HIPK2: variants seen among roughly 807,000 people sequenced by gnomAD.
The protein encoded by HIPK2 is homeodomain interacting protein kinase 2.
In HIPK2, 27 loss-of-function variants were observed where a neutral mutation model predicts 113.7. The ratio of observed to expected loss-of-function variants is 0.24; its 90% CI spans 0.17 to 0.33. The LOEUF (loss-of-function observed/expected upper bound fraction) is 0.33, where lower values mean the gene tolerates loss of function less well. Ranked by LOEUF, HIPK2 falls within the 10% of genes least tolerant of loss-of-function variation. HIPK2 has a pLI of 1.00. For missense variants in HIPK2, 1,257 were observed against 1,588.0 expected (o/e 0.79, Z 3.54); for synonymous variants, 631 against 642.2 (o/e 0.98, Z 0.26).
chr7:139,771,698 A>G (rs1334100673), intron 1 of HIPK2, among the ~76,000 whole-genome samples: 4 of 152,166 alleles, frequency 2.6e-5, no homozygotes, highest in Admixed American at 6.5e-5. Context: ...TAATGAGAAC[A>G]TTATTAAAGA....
At chr7:139,697,734 T>G (rs1257713801) in intron 2 of HIPK2, among the ~76,000 whole-genome samples, 1 of 152,192 alleles carries the variant, frequency 6.6e-6, no homozygotes, top group African/African-American at 2.4e-5. Flanking sequence ...CTCATAACGT[T>G]GTACAAACCA....
intron 7 of HIPK2, among the ~76,000 whole-genome samples, chr7:139,618,075 G>A (rs145659652): frequency 7.9e-4 from 121 of 152,320 alleles, no homozygotes; most frequent in African/African-American, 2.8e-3. Flanking sequence ...CAAAGCCTAA[G>A]CCCACCTCTC....
intron 2 of HIPK2, among the ~76,000 whole-genome samples, chr7:139,695,099 G>A (rs1471868230): frequency 2.0e-5 from 3 of 152,124 alleles, no homozygotes; most frequent in South Asian, 2.1e-4. Context: ...AAAACAAAAC[G>A]CCTGTCTGTA....
intron 2 of HIPK2, among the ~76,000 whole-genome samples, chr7:139,703,058 T>C (rs926550205): frequency 1.3e-5 from 2 of 152,110 alleles, no homozygotes; most frequent in African/African-American, 4.8e-5. Flanking sequence ...AACAAACATA[T>C]CTTTTTTACC....
chr7:139,583,794 G>T lies in HIPK2; in HGVS notation c.2965+23C>A, dbSNP rs11768190. The T allele has an allele frequency of 5.7e-4, 914 of 1,602,366 alleles. 1 individual carries two copies. The highest frequency in any genetic ancestry group is 7.2e-4 in the Non-Finnish European group (848 of 1,174,206). ...AACCACTCTCCAGGGAGAGGTTCCTGCCCTGTCCTGGCCCCAAATTACCTG... is the reference window on the plus strand; with the variant it reads ...AACCACTCTCCAGGGAGAGGTTCCTTCCCTGTCCTGGCCCCAAATTACCTG... On this transcript the variant is annotated intron_variant, in intron 13 of 14. Coordinates refer to ENST00000406875, the MANE Select transcript of HIPK2 (RefSeq NM_022740.5).
chr7:139,775,456 T>C (rs367863273), intron 1 of HIPK2, among the ~76,000 whole-genome samples: 38 of 152,070 alleles, frequency 2.5e-4, no homozygotes, highest in African/African-American at 7.2e-4. Flanking sequence ...TGTGGGCCAG[T>C]TGAGGTGGGA....
chr7:139,610,309 C>T (rs181642367), intron 9 of HIPK2, among the ~76,000 whole-genome samples: 258 of 152,338 alleles, frequency 1.7e-3, no homozygotes, highest in Non-Finnish European at 2.8e-3. Flanking sequence ...TAAAAGCACA[C>T]GTGAGTTCTG....
chr7:139,594,864 T>G (rs943435147), intron 12 of HIPK2, among the ~76,000 whole-genome samples: 1 of 152,208 alleles, frequency 6.6e-6, no homozygotes. Flanking sequence ...CACCTGGCTC[T>G]CTCTCCCAGG....
At chr7:139,586,373 C>T (rs1456153854) in intron 12 of HIPK2, among the ~76,000 whole-genome samples, 1 of 152,140 alleles carries the variant, frequency 6.6e-6, no homozygotes, top group African/African-American at 2.4e-5. Flanking sequence ...CACTGCAGCA[C>T]TATTCAAAAT....
intron 1 of HIPK2, among the ~76,000 whole-genome samples, chr7:139,729,334 AGAGAGAGAG>A (rs2117020316): frequency 1.4e-5 from 1 of 72,382 alleles, no homozygotes; most frequent in Non-Finnish European, 2.3e-5. Context: ...TGAGAGAGAG[AGAGAGAGAG>A]AGAGAGAGAG....
At chr7:139,682,617 T>A (rs1211921095) in intron 2 of HIPK2, among the ~76,000 whole-genome samples, 1 of 152,064 alleles carries the variant, frequency 6.6e-6, no homozygotes, top group Non-Finnish European at 1.5e-5. Context: ...TTTACTCATC[T>A]CCTCCCCACA....
At position 139,613,264 on chromosome 7, in the gene HIPK2, GAACTGCATT is replaced by G; in HGVS notation, c.2041_2049del (p.Asn681_Val683del). The G allele has an allele frequency of 6.2e-7, 1 of 1,613,836 alleles. No homozygotes were observed. The highest frequency in any genetic ancestry group is 8.5e-7 in the Non-Finnish European group (1 of 1,179,816). Reference sequence around the variant, plus strand: ...GCTCCTGGGGCTTGAGTGACGATGGGAACTGCATTTTCCATTCGCACCGAGTAGCCAGCG... The same window carrying G: ...GCTCCTGGGGCTTGAGTGACGATGGGTTCCATTCGCACCGAGTAGCCAGCG... On this transcript the variant is annotated inframe_deletion, in exon 9 of 15. Transcript: ENST00000406875. The surrounding 1 kb of genome is among the most constrained non-coding windows in gnomAD (Gnocchi z 4.2).
At chr7:139,741,536 G>T (rs759925353) in intron 1 of HIPK2, among the ~76,000 whole-genome samples, 1 of 152,192 alleles carries the variant, frequency 6.6e-6, no homozygotes, top group Non-Finnish European at 1.5e-5. Context: ...ACAGTTTGAC[G>T]CGGTGGGGAT....
At chr7:139,753,715 G>A (rs1049303505) in intron 1 of HIPK2, among the ~76,000 whole-genome samples, 2 of 152,142 alleles carry the variant, frequency 1.3e-5, no homozygotes, top group African/African-American at 4.8e-5. Context: ...ATCACTCAAG[G>A]GCTGGAGGGC....
intron 12 of HIPK2, among the ~76,000 whole-genome samples, chr7:139,594,733 A>G (rs151217044): frequency 1.3e-5 from 2 of 152,074 alleles, no homozygotes; most frequent in African/African-American, 4.8e-5. Context: ...ATTCAGCCTC[A>G]TGTGTCCGGC....
intron 1 of HIPK2, among the ~76,000 whole-genome samples, chr7:139,729,371 GA>G (rs1795697367): frequency 7.2e-6 from 1 of 138,880 alleles, no homozygotes; most frequent in Non-Finnish European, 1.5e-5. Flanking sequence ...GAGAGAGAGA[GA>G]GAGAGAGAGA....
intron 1 of HIPK2, among the ~76,000 whole-genome samples, chr7:139,758,718 TG>T (rs1283681166): frequency 4.6e-5 from 7 of 152,182 alleles, no homozygotes; most frequent in South Asian, 4.1e-4. Flanking sequence ...TGATCTGAGG[TG>T]GAATGGTTTC....
chr7:139,606,793 T>C (rs1054246761), intron 9 of HIPK2, among the ~76,000 whole-genome samples: 6 of 152,206 alleles, frequency 3.9e-5, no homozygotes, highest in African/African-American at 1.4e-4. Flanking sequence ...CCACATTCAA[T>C]AGTCTCTCCC....
intron 1 of HIPK2, among the ~76,000 whole-genome samples, chr7:139,741,326 C>A (rs1300867098): frequency 6.6e-6 from 1 of 152,160 alleles, no homozygotes; most frequent in Non-Finnish European, 1.5e-5. Context: ...CTTAGAGTCA[C>A]TGTGCTGAGC....
Sources: gnomAD v4.1 joint callset for allele counts (sites outside exome capture counted in the v4.1 genomes callset) on GRCh38, gnomAD v4.1.1 for gene constraint, Gnocchi (gnomAD v3.1) non-coding constraint, MANE v1.5 for transcripts, NCBI Gene and HGNC (gene_info 2026-07-23, HGNC 2026-07-21) for gene names.